NOXA1: variants seen among roughly 807,000 people sequenced by gnomAD.
The protein encoded by NOXA1 is NADPH oxidase activator 1.
Under a neutral mutation model 64.8 loss-of-function variants are expected in NOXA1, and 56 were observed. The ratio of observed to expected loss-of-function variants is 0.86; its 90% confidence interval spans 0.70 to 1.08. The LOEUF is 1.08. Among genes scored for constraint, NOXA1 ranks in the 50% least tolerant of loss-of-function variants. The pLI is 0.00. For synonymous variants in NOXA1, 295 were observed against 294.8 expected (o/e 1.00, Z -0.01); for missense variants, 668 against 658.5 (o/e 1.01, Z -0.16).
At chr9:137,427,243 C>G (rs1207830717) in intron 2 of NOXA1, among the ~76,000 whole-genome samples, 1 of 152,140 alleles carries the variant, frequency 6.6e-6, no homozygotes, top group Non-Finnish European at 1.5e-5. Flanking sequence ...GGTGTGAGAA[C>G]TACGAGCAGA....
intron 10 of NOXA1, 56 bp downstream of exon 10, chr9:137,433,319 C>T (rs760300244): frequency 6.6e-6 from 10 of 1,504,698 alleles, no homozygotes; most frequent in Non-Finnish European, 8.9e-6. Context: ...TGAGGCCAAG[C>T]CCCATCCCTC....
chr9:137,433,434 C>A lies in NOXA1; in HGVS notation c.910-19C>A. The A allele has an allele frequency of 1.9e-6, 3 of 1,586,828 alleles. No homozygotes were observed. Among genetic ancestry groups the A allele is most frequent in the Non-Finnish European group, 2.6e-6 (3 of 1,169,080 alleles). The stretch of plus-strand genomic sequence containing the variant: ...CCTGGGCCTCAGCGACCACCCCTCC[C>A]CCTCCTGCCTGGACCCAGGGAGCAG... On this transcript the variant is annotated intron_variant, in intron 10 of 13. Transcript: ENST00000683555.
chr9:137,429,374 C>A lies in NOXA1; in HGVS notation c.603C>A (p.Gly201=). 6.3e-7 allele frequency: 1 copy of A among 1,576,090 alleles called. No individual in the cohort carries two copies. The highest frequency in any genetic ancestry group is 8.6e-7 in the Non-Finnish European group (1 of 1,161,392). ...ACTTGGAGCCCGTGGATTTCCTGGG[C>A]AAGGCCAAGGTAAAGGTGGGGACGG... ...LKHLEPVDFL[G]KAKVVASAIP... The change falls in exon 5 of 14, where the codon GGC becomes GGA. Residue 201 remains glycine, a synonymous_variant. Coordinates refer to ENST00000683555, the MANE Select transcript of NOXA1 (RefSeq NM_001256067.2).
chr9:137,430,101 C>CG (rs1554746505), intron 5 of NOXA1, among the ~76,000 whole-genome samples: 2 of 140,924 alleles, frequency 1.4e-5, no homozygotes, highest in Non-Finnish European at 3.1e-5. Context: ...AGCGAGGTCC[C>CG]GGGGGGTCTC....
In NOXA1 at chr9:137,434,094, G is replaced by A. The variant is rs755644328; in HGVS notation, c.1294+15G>A. 1 of 1,583,892 alleles carries A rather than the reference G, an allele frequency of 6.3e-7. No homozygotes were observed. Among genetic ancestry groups the A allele is most frequent in the Admixed American group, 1.8e-5 (1 of 56,754 alleles). ...CCTGTGTGAAGGTAGGGTGGGCATGGCCCTTCCCAGGCAGCACCGTGGTGC... is the reference window on the plus strand; with the variant it reads ...CCTGTGTGAAGGTAGGGTGGGCATGACCCTTCCCAGGCAGCACCGTGGTGC... On this transcript the variant is annotated intron_variant, in intron 13 of 13. Transcript: ENST00000683555.
intron 5 of NOXA1, among the ~76,000 whole-genome samples, chr9:137,430,413 A>T (rs781203085): frequency 7.9e-5 from 12 of 152,114 alleles, no homozygotes; most frequent in Non-Finnish European, 1.8e-4. Context: ...CCCCTCGGTC[A>T]CCTGCGCTGC....
Position 137,431,092 on chromosome 9 carries a change from T to C in NOXA1, c.690T>C (p.His230=), listed in dbSNP as rs144222404. 5.6e-6 allele frequency: 9 copies of C among 1,613,046 alleles called. No individual in the cohort carries two copies. Among genetic ancestry groups the C allele is most frequent in the South Asian group, 2.2e-5 (2 of 91,092 alleles). ...PQQPQGPGAN[H]DARSLIMDSP... Reference sequence around the variant, plus strand: ...GTCCACAGGGACCAGGAGCGAACCATGATGCCAGGTAGGAGGGGCTGACTG... The same window carrying C: ...GTCCACAGGGACCAGGAGCGAACCACGATGCCAGGTAGGAGGGGCTGACTG... Residue 230 remains histidine (H), a synonymous_variant, in exon 7 of 14, where the codon CAT becomes CAC. Transcript: ENST00000683555. This position sits in a 1 kb window ranked among gnomAD's most constrained non-coding sequence, Gnocchi z 5.6.
Position 137,431,300 on chromosome 9 carries a change from G to A in NOXA1, c.763G>A (p.Val255Ile), listed in dbSNP as rs750060064. ...HQGPLDAETE[V>I]GADRCTSTAY... ...GGGCCCCCTCGATGCAGAGACAGAG[G>A]TCGGTGCTGACCGCTGCACGTCGAC... The change falls in exon 8 of 14, where the codon GTC (valine) becomes ATC (isoleucine). Residue 255 changes from valine (V) to isoleucine (I), a missense_variant. By Grantham distance (29) the Val-to-Ile change is conservative. Transcript: ENST00000683555. This position sits in a 1 kb window ranked among gnomAD's most constrained non-coding sequence, Gnocchi z 5.6. The A allele has an allele frequency of 1.2e-6, 2 of 1,612,114 alleles. No homozygotes were observed. Among genetic ancestry groups the A allele is most frequent in the Admixed American group, 3.3e-5 (2 of 60,022 alleles).
In NOXA1 at chr9:137,434,357, C is replaced by T; in HGVS notation, c.1428C>T (p.Pro476=). The change falls in exon 14 of 14, where the codon CCC becomes CCT. Residue 476 remains proline (P), a synonymous_variant. Coordinates refer to ENST00000683555, the MANE Select transcript of NOXA1 (RefSeq NM_001256067.2). ...CCCGATCCCAGCAGGGAGATCAGCC[C>T]TAATGATGCTGTGTCCATGATGCTT... ...RLPRSQQGDQ[P] is the part of the protein sequence containing the mutation. 6.3e-7 allele frequency: 1 copy of T among 1,588,314 alleles called. No homozygotes were observed. The highest frequency in any genetic ancestry group is 8.6e-7 in the Non-Finnish European group (1 of 1,167,250).
intron 4 of NOXA1, 92 bp from the exon 5 acceptor site, chr9:137,429,184 G>T: frequency 7.5e-7 from 1 of 1,331,554 alleles, no homozygotes; most frequent in Middle Eastern, 2.5e-4. Context: ...GGGGGCCCAA[G>T]CGGCCCCTTC....
rs2131888294 is a variant in NOXA1, at chr9:137,431,012, CAGG to C, written c.673-56_673-54del. 1 of 1,611,316 alleles carries C rather than the reference CAGG, an allele frequency of 6.2e-7. No individual in the cohort carries two copies. Among genetic ancestry groups the C allele is most frequent in the East Asian group, 2.2e-5 (1 of 44,876 alleles). On this transcript the variant is annotated intron_variant, in intron 6 of 13. Transcript: ENST00000683555. The surrounding 1 kb of genome is among the most constrained non-coding windows in gnomAD (Gnocchi z 5.6). ...CCTGGGGAAACCACTCTTCAAGGTT[CAGG>C]AGGAGGGAGGGCGGCCCCCGACCCT...
chr9:137,434,156 T>C, intron 13 of NOXA1, 68 bp from the exon 14 acceptor site: 1 of 1,580,216 alleles, frequency 6.3e-7, no homozygotes, highest in Non-Finnish European at 8.6e-7. Flanking sequence ...GCCTGTGCTG[T>C]GAGCAGACGT....
At chr9:137,429,433 C>T (rs373273048) in intron 5 of NOXA1, 50 bp downstream of exon 5, 10 of 1,324,698 alleles carry the variant, frequency 7.5e-6, no homozygotes, top group East Asian at 2.5e-5. Context: ...GCTGAGCCCT[C>T]GAACTGTGTT....
chr9:137,428,004 G>A lies in NOXA1; in HGVS notation c.261-29G>A, dbSNP rs1351301285. ...AACCACAGCCCCATCTCCGCCCTGTGCTGCTGAGGGGACCCCGGCTGCCCA... is the reference window on the plus strand; with the variant it reads ...AACCACAGCCCCATCTCCGCCCTGTACTGCTGAGGGGACCCCGGCTGCCCA... On this transcript the variant is annotated intron_variant, in intron 2 of 13. Coordinates refer to ENST00000683555, the MANE Select transcript of NOXA1 (RefSeq NM_001256067.2). 4 of 1,488,436 alleles carry A rather than the reference G, an allele frequency of 2.7e-6. No individual in the cohort carries two copies. In the South Asian group the frequency reaches 4.8e-5, roughly 18 times the overall value. The allele number at this position is 1,488,436 out of a possible 1,614,324, so 92.2% of individuals were successfully genotyped here.
intron 4 of NOXA1, 34 bp from the exon 5 acceptor site, chr9:137,429,242 C>T: frequency 3.4e-6 from 5 of 1,462,524 alleles, no homozygotes; most frequent in Non-Finnish European, 4.6e-6. Flanking sequence ...GTTGGTCACC[C>T]CGTCTGCATC....
chr9:137,431,406 G>A lies in NOXA1; in HGVS notation c.804+65G>A. ...GCTTCTGCTGCCTCCGCAGACTGGG[G>A]ACCACAATGGGACCAACATGAGGGT... On this transcript the variant is annotated intron_variant, in intron 8 of 13. Coordinates refer to ENST00000683555, the MANE Select transcript of NOXA1 (RefSeq NM_001256067.2). This position sits in a 1 kb window ranked among gnomAD's most constrained non-coding sequence, Gnocchi z 5.6. 1 of 1,314,600 alleles carries A rather than the reference G, an allele frequency of 7.6e-7. No homozygotes were observed. Among genetic ancestry groups the A allele is most frequent in the Non-Finnish European group, 1.1e-6 (1 of 925,828 alleles). 81.4% of individuals were successfully genotyped at this position (1,314,600 alleles called of 1,614,324 possible).
rs753090448 is a variant in NOXA1 at position 137,429,315 on chromosome 9, G to A, written c.544G>A (p.Glu182Lys). The stretch of plus-strand genomic sequence containing the variant: ...GCCGCCACGGCAGGTCCCCAGGGGC[G>A]AGGTCTTCCGGCCCCACCGGTGGCA... ...SLPPRQVPRG[E>K]VFRPHRWHLK... is the part of the protein sequence containing the mutation. Residue 182 changes from glutamate (E) to lysine (K), a missense_variant, in exon 5 of 14, where the codon GAG (glutamate) becomes AAG (lysine). Glu to Lys is a moderately conservative substitution (Grantham distance 56). Transcript: ENST00000683555. 3.8e-6 allele frequency: 6 copies of A among 1,577,780 alleles called. No individual in the cohort carries two copies. The highest frequency in any genetic ancestry group is 2.3e-5 in the South Asian group (2 of 86,048).
intron 10 of NOXA1, 90 bp downstream of exon 10, chr9:137,433,353 C>G: frequency 2.7e-6 from 4 of 1,490,140 alleles, no homozygotes; most frequent in Non-Finnish European, 1.8e-6. Context: ...GCAAGCCCCC[C>G]TCACCTGCCC....
In NOXA1 at chr9:137,431,405, G is replaced by A; in HGVS notation, c.804+64G>A. On this transcript the variant is annotated intron_variant, in intron 8 of 13. Coordinates refer to ENST00000683555, the MANE Select transcript of NOXA1 (RefSeq NM_001256067.2). This position sits in a 1 kb window ranked among gnomAD's most constrained non-coding sequence, Gnocchi z 5.6. The stretch of plus-strand genomic sequence containing the variant: ...TGCTTCTGCTGCCTCCGCAGACTGG[G>A]GACCACAATGGGACCAACATGAGGG... 1 of 1,313,136 alleles carries A rather than the reference G, an allele frequency of 7.6e-7. No homozygotes were observed. Among genetic ancestry groups the A allele is most frequent in the Non-Finnish European group, 1.1e-6 (1 of 924,442 alleles). 81.3% of individuals were successfully genotyped at this position (1,313,136 alleles called of 1,614,324 possible).
Sources: gnomAD v4.1 joint callset for allele counts (sites outside exome capture counted in the v4.1 genomes callset) on GRCh38, gnomAD v4.1.1 for gene constraint, Gnocchi (gnomAD v3.1) non-coding constraint, MANE v1.5 for transcripts, NCBI Gene and HGNC (gene_info 2026-07-23, HGNC 2026-07-21) for gene names.